The following PAX7 variants were observed in gnomAD, a reference collection of about 807,000 sequenced individuals.
PAX7 encodes the protein paired box protein Pax-7.
Under a neutral mutation model 50.7 loss-of-function variants are expected in PAX7, and 18 were observed. The ratio of observed to expected loss-of-function variants is 0.36; its 90% confidence interval spans 0.25 to 0.53. PAX7 has a LOEUF of 0.53. PAX7 is among the 20% of genes least tolerant of loss of function. The pLI is 0.93. For synonymous variants in PAX7, 310 were observed against 290.4 expected (o/e 1.07, Z -0.69); for missense variants, 644 against 702.9 (o/e 0.92, Z 0.95).
At chr1:18,658,603 G>A (rs2088557372) in intron 4 of PAX7, among the ~76,000 whole-genome samples, 1 of 152,240 alleles carries the variant, frequency 6.6e-6, no homozygotes, top group Admixed American at 6.5e-5. Context: ...GGCTCACCCT[G>A]ATTTTCAGCT....
chr1:18,747,070 G>GA lies in PAX7; in HGVS notation c.*2144dup. ...CCCTGCTTTTGTAGCTATCACAGCA[G>GA]AAAGCAACTCTTCCTGAAGACCAAA... On this transcript the variant is annotated 3_prime_UTR_variant, in exon 9 of 9. Coordinates refer to ENST00000420770, the MANE Select transcript of PAX7 (RefSeq NM_001135254.2). 4.4e-6 allele frequency: 1 copy of GA among 229,788 alleles called. No homozygotes were observed. The allele number at this position is 229,788 out of a possible 1,614,324, so 14.2% of individuals were successfully genotyped here.
At chr1:18,646,856 G>C (rs894043247) in intron 4 of PAX7, among the ~76,000 whole-genome samples, 1 of 150,806 alleles carries the variant, frequency 6.6e-6, no homozygotes, top group African/African-American at 2.4e-5. Context: ...CCATTATCCC[G>C]AGAAGAAAAC....
At chr1:18,677,264 C>T (rs551160973) in intron 4 of PAX7, among the ~76,000 whole-genome samples, 3 of 152,200 alleles carry the variant, frequency 2.0e-5, no homozygotes, top group South Asian at 2.1e-4. Flanking sequence ...CTAAGGGGGG[C>T]GGCATGGCCT....
intron 5 of PAX7, among the ~76,000 whole-genome samples, chr1:18,693,634 G>A (rs146636339): frequency 3.0e-4 from 45 of 152,302 alleles, no homozygotes; most frequent in African/African-American, 1.0e-3. Context: ...CTTTGAGGGA[G>A]ACCCCAAGGG....
At chr1:18,666,304 C>G (rs1350957967) in intron 4 of PAX7, among the ~76,000 whole-genome samples, 1 of 152,208 alleles carries the variant, frequency 6.6e-6, no homozygotes, top group African/African-American at 2.4e-5. Context: ...CAACTCCAAA[C>G]CTTGGGTCTG....
chr1:18,636,473 C>T lies in PAX7; in HGVS notation c.586+102C>T. 1.8e-5 allele frequency: 25 copies of T among 1,401,814 alleles called. No homozygotes were observed. Among genetic ancestry groups the T allele is most frequent in the Non-Finnish European group, 2.3e-5 (24 of 1,025,994 alleles). The allele number at this position is 1,401,814 out of a possible 1,614,324, so 86.8% of individuals were successfully genotyped here. On this transcript the variant is annotated intron_variant, in intron 4 of 8. Coordinates refer to ENST00000420770, the MANE Select transcript of PAX7 (RefSeq NM_001135254.2). This position sits in a 1 kb window ranked among gnomAD's most constrained non-coding sequence, Gnocchi z 5.1. ...CCGCCGCCGGAGCAGGCGACCAGAA[C>T]TCCAGCGGAGAAACTCTCATGCTGC...
At chr1:18,688,380 C>G (rs1443942421) in intron 4 of PAX7, among the ~76,000 whole-genome samples, 2 of 152,224 alleles carry the variant, frequency 1.3e-5, no homozygotes, top group Non-Finnish European at 2.9e-5. Context: ...TCGGATTGTG[C>G]TGGCCTCAGT....
intron 4 of PAX7, among the ~76,000 whole-genome samples, chr1:18,643,617 G>C (rs571440938): frequency 1.3e-5 from 2 of 152,234 alleles, no homozygotes; most frequent in African/African-American, 2.4e-5. Flanking sequence ...GGGAGAGCAC[G>C]GGCCGAGAGG....
At chr1:18,727,371 T>C (rs138275064) in intron 7 of PAX7, among the ~76,000 whole-genome samples, 199 of 134,042 alleles carry the variant, frequency 1.5e-3, no homozygotes, top group South Asian at 3.4e-3. Context: ...CTCTCTCTCA[T>C]ACACACACAC....
rs796140092 is a variant in PAX7, at chr1:18,688,442, A to T, written c.587-3312A>T. 1.4e-4 allele frequency among the ~76,000 whole-genome samples: 22 copies of T among 152,344 alleles called. 1 individual carries two copies. The highest frequency in any genetic ancestry group is 5.1e-4 in the African/African-American group (21 of 41,580). On this transcript the variant is annotated intron_variant, in intron 4 of 8. Coordinates refer to ENST00000420770, the MANE Select transcript of PAX7 (RefSeq NM_001135254.2). Reference sequence around the variant, plus strand: ...GCAAATTTGAATTACAATTAAATACAATGAAAGACGAAGTTCTTCAGTTGC... The same window carrying T: ...GCAAATTTGAATTACAATTAAATACTATGAAAGACGAAGTTCTTCAGTTGC...
At chr1:18,631,938 G>A (rs767188684) in intron 1 of PAX7, among the ~76,000 whole-genome samples, 2 of 152,190 alleles carry the variant, frequency 1.3e-5, no homozygotes, top group Non-Finnish European at 2.9e-5. Context: ...TACCCGCAGG[G>A]CTGAAATTCT....
At chr1:18,681,099 G>A (rs57928464) in intron 4 of PAX7, among the ~76,000 whole-genome samples, 16,023 of 150,606 alleles carry the variant, frequency 0.11, 1,031 homozygotes, top group Non-Finnish European at 0.14. Flanking sequence ...CCTGGGAGGC[G>A]GAGGTTGCGG....
In PAX7 at chr1:18,703,197, C is replaced by T. The variant is rs896716723; in HGVS notation, c.1056C>T (p.Tyr352=). The change falls in exon 7 of 9, where the codon TAC becomes TAT. Residue 352 remains tyrosine, a synonymous_variant. Transcript: ENST00000420770. ...AAAAADTSSA[Y]GARHSFSSYS... is the part of the protein sequence containing the mutation. The stretch of plus-strand genomic sequence containing the variant: ...CAGCCGCCGACACCAGCTCTGCCTA[C>T]GGAGCCCGCCACAGCTTCTCCAGCT... 1.2e-6 allele frequency: 2 copies of T among 1,613,702 alleles called. No individual in the cohort carries two copies. Among genetic ancestry groups the T allele is most frequent in the African/African-American group, 2.7e-5 (2 of 74,930 alleles).
At chr1:18,717,962 C>T (rs111260462) in intron 7 of PAX7, among the ~76,000 whole-genome samples, 10 of 152,330 alleles carry the variant, frequency 6.6e-5, no homozygotes, top group Middle Eastern at 3.4e-3. Flanking sequence ...TGGCCTGACT[C>T]GCTGGATAGA....
chr1:18,702,131 G>C (rs538245775), intron 6 of PAX7, among the ~76,000 whole-genome samples: 141 of 151,498 alleles, frequency 9.3e-4, no homozygotes, highest in Non-Finnish European at 1.6e-3. Context: ...CCAGGAGTTG[G>C]AGACCAGCCT....
chr1:18,657,671 G>A (rs911015112), intron 4 of PAX7, among the ~76,000 whole-genome samples: 5 of 152,112 alleles, frequency 3.3e-5, no homozygotes, highest in Admixed American at 6.5e-5. Context: ...GATGAATAGC[G>A]GTTTTGTCTG....
intron 4 of PAX7, among the ~76,000 whole-genome samples, chr1:18,655,607 G>C (rs1570129402): frequency 6.6e-6 from 1 of 152,230 alleles, no homozygotes; most frequent in African/African-American, 2.4e-5. Context: ...AGGGTTTCCA[G>C]GCCTGTCAGC....
intron 4 of PAX7, 119 bp from the exon 5 acceptor site, chr1:18,691,635 C>T (rs1456841678): frequency 1.6e-5 from 12 of 769,108 alleles, no homozygotes; most frequent in African/African-American, 5.2e-5. Flanking sequence ...GGAGTCTGAT[C>T]GAAGTGCAGT....
intron 8 of PAX7, among the ~76,000 whole-genome samples, chr1:18,737,220 C>T (rs1240266786): frequency 6.6e-6 from 1 of 152,266 alleles, no homozygotes; most frequent in Non-Finnish European, 1.5e-5. Context: ...CTGCTGGTGT[C>T]AAACTAATCA....
Sources: gnomAD v4.1 joint callset for allele counts (sites outside exome capture counted in the v4.1 genomes callset) on GRCh38, gnomAD v4.1.1 for gene constraint, Gnocchi (gnomAD v3.1) non-coding constraint, MANE v1.5 for transcripts, NCBI Gene and HGNC (gene_info 2026-07-23, HGNC 2026-07-21) for gene names.